GBE1: variants seen among roughly 807,000 people sequenced by gnomAD.
GBE1 encodes the protein 1,4-alpha-glucan branching enzyme 1.
GBE1 carries 70 observed loss-of-function variants against 88.8 expected under a neutral mutation model. The observed-to-expected ratio is 0.79, with a 90% CI of 0.65 to 0.96. The LOEUF is 0.96. Among genes scored for constraint, GBE1 ranks in the 40% least tolerant of loss-of-function variants. The probability of loss-of-function intolerance (pLI) is 0.00; values close to 1 mark genes in which losing one functional copy is unlikely to be tolerated. For missense variants in GBE1, 872 were observed against 871.0 expected (o/e 1.00, Z -0.01); for synonymous variants, 284 against 300.1 (o/e 0.95, Z 0.56).
intron 12 of GBE1, among the ~76,000 whole-genome samples, chr3:81,557,754 G>A (rs987065827): frequency 7.2e-5 from 11 of 152,144 alleles, no homozygotes; most frequent in Admixed American, 1.3e-4. Flanking sequence ...TCTGAGAGAG[G>A]TAGGGAAGCA....
At chr3:81,640,290 C>T (rs551963554) in intron 7 of GBE1, among the ~76,000 whole-genome samples, 1 of 138,538 alleles carries the variant, frequency 7.2e-6, no homozygotes, top group East Asian at 2.2e-4. Flanking sequence ...TGGGCACCAT[C>T]TCATCAGCTG....
chr3:81,628,000 T>C (rs1044902933), intron 7 of GBE1, among the ~76,000 whole-genome samples: 2 of 151,880 alleles, frequency 1.3e-5, no homozygotes, highest in African/African-American at 4.8e-5. Context: ...AATAGCTCCA[T>C]GAGATAGGCA....
chr3:81,618,296 T>G (rs1303515222), intron 7 of GBE1, among the ~76,000 whole-genome samples: 3 of 152,138 alleles, frequency 2.0e-5, no homozygotes, highest in African/African-American at 7.2e-5. Context: ...CATTTTTAAC[T>G]TATAGTTGGC....
At chr3:81,669,900 T>C (rs952288179) in intron 3 of GBE1, among the ~76,000 whole-genome samples, 6 of 152,160 alleles carry the variant, frequency 3.9e-5, no homozygotes, top group Non-Finnish European at 1.5e-5. Flanking sequence ...TTATAAAATA[T>C]TTTTAACAAC....
chr3:81,492,501 A>G (rs1702449998), intron 15 of GBE1, among the ~76,000 whole-genome samples: 1 of 152,044 alleles, frequency 6.6e-6, no homozygotes, highest in Admixed American at 6.6e-5. Context: ...GCCTGATTCA[A>G]CCCATTCCCT....
chr3:81,574,154 T>C (rs1703613092), intron 12 of GBE1, among the ~76,000 whole-genome samples: 2 of 152,232 alleles, frequency 1.3e-5, no homozygotes, highest in African/African-American at 4.8e-5. Context: ...CATTTACTGA[T>C]ATTTTAAAGT....
At chr3:81,645,818 T>C (rs1704755016) in intron 6 of GBE1, among the ~76,000 whole-genome samples, 1 of 152,230 alleles carries the variant, frequency 6.6e-6, no homozygotes, top group Non-Finnish European at 1.5e-5. Flanking sequence ...GTATGAATGA[T>C]GATGGGAGCA....
intron 10 of GBE1, among the ~76,000 whole-genome samples, chr3:81,582,140 ACT>A (rs1244478639): frequency 6.6e-6 from 1 of 152,062 alleles, no homozygotes; most frequent in Admixed American, 6.6e-5. Flanking sequence ...AATTCAACAC[ACT>A]GTCATACAAT....
intron 14 of GBE1, among the ~76,000 whole-genome samples, chr3:81,515,984 T>A (rs181470761): frequency 3.3e-5 from 5 of 151,732 alleles, no homozygotes; most frequent in African/African-American, 1.2e-4. Flanking sequence ...AATAAAGACA[T>A]CTTCATAACA....
intron 12 of GBE1, among the ~76,000 whole-genome samples, 188 bp downstream of exon 12, chr3:81,577,737 T>C (rs1329830750): frequency 6.6e-6 from 1 of 152,196 alleles, no homozygotes. Flanking sequence ...TTTTGTATCA[T>C]ATATTAATAT....
intron 12 of GBE1, among the ~76,000 whole-genome samples, chr3:81,568,266 G>A (rs1703523615): frequency 6.6e-6 from 1 of 152,000 alleles, no homozygotes; most frequent in African/African-American, 2.4e-5. Flanking sequence ...TACTGCCTCA[G>A]CCTCCCAAGT....
intron 2 of GBE1, among the ~76,000 whole-genome samples, chr3:81,685,467 C>T (rs567552441): frequency 6.6e-6 from 1 of 152,076 alleles, no homozygotes; most frequent in East Asian, 1.9e-4. Context: ...CTGCAACCTC[C>T]ACCTCCCAGG....
intron 2 of GBE1, among the ~76,000 whole-genome samples, chr3:81,694,742 G>A (rs1040850339): frequency 6.6e-6 from 1 of 152,122 alleles, no homozygotes; most frequent in Non-Finnish European, 1.5e-5. Context: ...CCAGTGTAAC[G>A]CCTATGTGAC....
At chr3:81,596,879 A>C (rs954474559) in intron 7 of GBE1, among the ~76,000 whole-genome samples, 1 of 151,994 alleles carries the variant, frequency 6.6e-6, no homozygotes, top group Admixed American at 6.6e-5. Flanking sequence ...TTTGAAATAG[A>C]GCAAGCTTAA....
intron 8 of GBE1, among the ~76,000 whole-genome samples, chr3:81,592,084 T>G (rs1703886325): frequency 6.6e-6 from 1 of 152,176 alleles, no homozygotes; most frequent in African/African-American, 2.4e-5. Context: ...CATTGTGTAC[T>G]GATTACTATA....
chr3:81,490,341 G>C lies in GBE1; in HGVS notation c.*66C>G. ...CTGAAAAGCATACATGTTATAAGCT[G>C]TGTGACAGTGATAACAAGAAAACAA... is the stretch of plus-strand genomic sequence containing the variant. On this transcript the variant is annotated 3_prime_UTR_variant, in exon 16 of 16. Transcript: ENST00000429644. 1.6e-6 allele frequency: 2 copies of C among 1,234,456 alleles called. No individual in the cohort carries two copies. 76.5% of individuals were successfully genotyped at this position (1,234,456 alleles called of 1,614,324 possible).
chr3:81,729,674 A>G (rs138409410), intron 1 of GBE1, among the ~76,000 whole-genome samples: 10 of 152,280 alleles, frequency 6.6e-5, no homozygotes, highest in Non-Finnish European at 1.5e-4. Flanking sequence ...GTGGCCTCTT[A>G]GACATCAGAT....
chr3:81,528,115 G>A (rs986149200), intron 14 of GBE1, among the ~76,000 whole-genome samples: 2 of 151,292 alleles, frequency 1.3e-5, no homozygotes, highest in African/African-American at 2.4e-5. Flanking sequence ...ACTATCATAA[G>A]GACAAAAAAC....
chr3:81,633,313 G>C (rs1189159923), intron 7 of GBE1, among the ~76,000 whole-genome samples: 1 of 152,078 alleles, frequency 6.6e-6, no homozygotes, highest in Non-Finnish European at 1.5e-5. Flanking sequence ...ATACAAGGTA[G>C]ATAAACTATA....
Sources: gnomAD v4.1 joint callset for allele counts (sites outside exome capture counted in the v4.1 genomes callset) on GRCh38, gnomAD v4.1.1 for gene constraint, MANE v1.5 for transcripts, NCBI Gene and HGNC (gene_info 2026-07-23, HGNC 2026-07-21) for gene names.